Variants in OPTN observed in about 807,000 individuals in gnomAD.
OPTN encodes the protein optineurin, also known as E3-14.7K-interacting protein.
Under a neutral mutation model 70.4 loss-of-function variants are expected in OPTN, and 54 were observed. That is an observed-to-expected ratio of 0.77 (90% confidence interval 0.62 to 0.96). The LOEUF is 0.96. OPTN is among the 40% of genes least tolerant of loss of function. The pLI, the probability that OPTN is intolerant of heterozygous loss-of-function variation, is 0.00. For synonymous variants in OPTN, 256 were observed against 248.5 expected (o/e 1.03, Z -0.28); for missense variants, 624 against 673.2 (o/e 0.93, Z 0.81).
intron 6 of OPTN, among the ~76,000 whole-genome samples, chr10:13,118,466 A>G (rs1023069510): frequency 6.6e-6 from 1 of 152,222 alleles, no homozygotes; most frequent in Non-Finnish European, 1.5e-5. Context: ...GGTCTCTGTT[A>G]ACTTGGAGAA....
intron 2 of OPTN, 79 bp downstream of exon 2, chr10:13,108,368 C>CT (rs34546097): frequency 6.6e-6 from 1 of 152,114 alleles, no homozygotes; most frequent in Non-Finnish European, 1.5e-5. Flanking sequence ...TTTAAAACAG[C>CT]TTTTTTGAGA....
At chr10:13,115,498 A>AT (rs1439394069) in intron 5 of OPTN, among the ~76,000 whole-genome samples, 1,479 of 100,648 alleles carry the variant, frequency 0.015, 105 homozygotes, top group African/African-American at 0.066. Flanking sequence ...TATATTATAT[A>AT]ATATAGAATA....
intron 8 of OPTN, among the ~76,000 whole-genome samples, chr10:13,123,729 G>A (rs1833401465): frequency 6.6e-6 from 1 of 152,160 alleles, no homozygotes; most frequent in African/African-American, 2.4e-5. Context: ...CATTTTAATA[G>A]CGATAAAGTC....
chr10:13,119,050 A>G lies in OPTN; in HGVS notation c.779+10A>G, dbSNP rs200899194. On this transcript the variant is annotated intron_variant, in intron 7 of 14. Transcript: ENST00000378747. ...AGGAGGCCAAAGAAAGGTATGAAAT[A>G]GGTTAACTTGAAATATGTGTTTTTT... is the stretch of plus-strand genomic sequence containing the variant. 143 of 1,613,270 alleles carry G rather than the reference A, an allele frequency of 8.9e-5. No individual in the cohort carries two copies. The highest frequency in any genetic ancestry group is 3.3e-4 in the Admixed American group (20 of 59,984).
rs917436330 is a variant in OPTN, at chr10:13,125,952, A to G, written c.1155A>G (p.Lys385=). Residue 385 remains lysine, a synonymous_variant, in exon 11 of 15, where the codon AAA becomes AAG. Transcript: ENST00000378747. ...EQAKTEDEKS[K]LTVLQMTHNK... is the part of the protein sequence containing the mutation. ...TTAATATCTTTTTTAATAGGTCCAA[A>G]TTAACTGTGCTACAGATGACACACA... 1.4e-5 allele frequency: 22 copies of G among 1,606,768 alleles called. No homozygotes were observed. The highest frequency in any genetic ancestry group is 1.9e-5 in the Non-Finnish European group (22 of 1,173,478).
At chr10:13,113,535 A>T (rs1006651590) in intron 5 of OPTN, among the ~76,000 whole-genome samples, 1 of 152,118 alleles carries the variant, frequency 6.6e-6, no homozygotes, top group Admixed American at 6.6e-5. Flanking sequence ...GCAACCCCAG[A>T]TGAAGTGGGC....
At chr10:13,127,554 G>C (rs1278362055) in intron 11 of OPTN, among the ~76,000 whole-genome samples, 191 bp from the exon 12 acceptor site, 1 of 151,850 alleles carries the variant, frequency 6.6e-6, no homozygotes, top group African/African-American at 2.4e-5. Flanking sequence ...TTTAGATCTC[G>C]CTATGTTGCC....
intron 7 of OPTN, among the ~76,000 whole-genome samples, chr10:13,119,981 C>CT (rs35284693): frequency 0.012 from 1,394 of 117,614 alleles, 35 homozygotes; most frequent in African/African-American, 0.031. Context: ...TATTTTCTTT[C>CT]TTTTTTTTTT....
At chr10:13,104,461 A>C in intron 1 of OPTN, 1 of 177,830 alleles carries the variant, frequency 5.6e-6, no homozygotes, top group Non-Finnish European at 1.1e-5. Context: ...TACAAAATTT[A>C]TTTAACAAAA....
intron 5 of OPTN, among the ~76,000 whole-genome samples, chr10:13,114,889 TTACA>T (rs1311438254): frequency 1.1e-5 from 1 of 88,964 alleles, no homozygotes; most frequent in Non-Finnish European, 2.1e-5. Flanking sequence ...TTATATACAC[TTACA>T]TATGTATCTG....
chr10:13,123,693 A>G (rs1190469644), intron 8 of OPTN, among the ~76,000 whole-genome samples: 3 of 152,216 alleles, frequency 2.0e-5, no homozygotes, highest in African/African-American at 4.8e-5. Context: ...TCTGTGGTCT[A>G]TGATCTCTGA....
intron 11 of OPTN, among the ~76,000 whole-genome samples, 157 bp from the exon 12 acceptor site, chr10:13,127,588 C>A (rs1030455215): frequency 7.2e-5 from 11 of 152,114 alleles, no homozygotes; most frequent in African/African-American, 2.7e-4. Context: ...CACTCCTGGG[C>A]TCAAACGATC....
At position 13,124,055 on chromosome 10, in the gene OPTN, G is replaced by T; in HGVS notation, c.943G>T (p.Glu315Ter). The change falls in exon 9 of 15, where the codon GAG becomes TAG. Residue 315 changes from glutamate (E) to a stop codon, truncating the protein, a stop_gained. Transcript: ENST00000378747. LOFTEE classifies it high-confidence loss of function. ...GACATCTCTGTTTAAGGAGCTTCAA[G>T]AGGCTCATACAAAACTCAGCGAAGC... is the stretch of plus-strand genomic sequence containing the variant. ...QVTSLFKELQEAHTKLSEAEL... is the reference protein window; with the variant it reads ...QVTSLFKELQ 6.2e-7 allele frequency: 1 copy of T among 1,613,986 alleles called. No homozygotes were observed. Among genetic ancestry groups the T allele is most frequent in the Non-Finnish European group, 8.5e-7 (1 of 1,179,896 alleles).
At chr10:13,112,898 A>AT (rs1432433821) in intron 5 of OPTN, among the ~76,000 whole-genome samples, 2 of 151,898 alleles carry the variant, frequency 1.3e-5, no homozygotes, top group Non-Finnish European at 2.9e-5. Flanking sequence ...CAAATTGAAC[A>AT]TTTTTGTGAC....
chr10:13,127,357 A>G (rs1435986862), intron 11 of OPTN, among the ~76,000 whole-genome samples: 1 of 152,216 alleles, frequency 6.6e-6, no homozygotes, highest in Non-Finnish European at 1.5e-5. Context: ...GCAGGAAGTA[A>G]CAAGTGGCAA....
chr10:13,109,853 A>AAG (rs1554768326), intron 3 of OPTN, among the ~76,000 whole-genome samples: 30,361 of 139,022 alleles, frequency 0.22, 3,966 homozygotes, highest in Middle Eastern at 0.36. Context: ...AAAAAAAAAA[A>AAG]GGAAAAAGGA....
At position 13,127,732 on chromosome 10, in the gene OPTN, G is replaced by A. The variant is rs374144660; in HGVS notation, c.1243-13G>A. The A allele has an allele frequency of 1.7e-5, 27 of 1,613,532 alleles. No individual in the cohort carries two copies. The highest frequency in any genetic ancestry group is 2.2e-5 in the Non-Finnish European group (26 of 1,179,574). On this transcript the variant is annotated splice_polypyrimidine_tract_variant and intron_variant, in intron 11 of 14. Transcript: ENST00000378747. Reference sequence around the variant, plus strand: ...TTTCAAAACCATTTCTAGAATAAATGTTTCTTTTTCAGTCAGAAAAAGTGG... The same window carrying A: ...TTTCAAAACCATTTCTAGAATAAATATTTCTTTTTCAGTCAGAAAAAGTGG...
intron 3 of OPTN, 162 bp from the exon 4 acceptor site, chr10:13,110,112 C>A: frequency 7.4e-7 from 1 of 1,356,678 alleles, no homozygotes; most frequent in Non-Finnish European, 9.9e-7. Context: ...TTTCTGTAAG[C>A]AAAAACCACT....
At chr10:13,134,163 G>C (rs1345660581) in intron 14 of OPTN, among the ~76,000 whole-genome samples, 2 of 152,160 alleles carry the variant, frequency 1.3e-5, no homozygotes, top group Admixed American at 1.3e-4. Context: ...ACATTAGCCA[G>C]ACTGAATCAT....
Sources: gnomAD v4.1 joint callset for allele counts (sites outside exome capture counted in the v4.1 genomes callset) on GRCh38, gnomAD v4.1.1 for gene constraint, MANE v1.5 for transcripts, NCBI Gene and HGNC (gene_info 2026-07-23, HGNC 2026-07-21) for gene names.